The following PPM1L variants were observed in gnomAD, a reference collection of about 807,000 sequenced individuals.
PPM1L encodes the protein protein phosphatase, Mg2+/Mn2+ dependent 1L.
Under a neutral mutation model 31.4 loss-of-function variants are expected in PPM1L, and 13 were observed. That is an observed-to-expected ratio of 0.41 (90% CI 0.27 to 0.66). The LOEUF (loss-of-function observed/expected upper bound fraction) is 0.66. Ranked by LOEUF, PPM1L falls within the 30% of genes least tolerant of loss-of-function variation. PPM1L has a pLI of 0.29. For synonymous variants in PPM1L, 184 were observed against 175.4 expected, an observed-to-expected ratio of 1.05 and a Z score of -0.39; for missense variants, 326 against 453.7, an observed-to-expected ratio of 0.72 and a Z score of 2.56.
intron 1 of PPM1L, among the ~76,000 whole-genome samples, chr3:160,776,118 T>C (rs1215586959): frequency 3.9e-5 from 6 of 152,252 alleles, no homozygotes; most frequent in Non-Finnish European, 8.8e-5. Flanking sequence ...CTACATTAAC[T>C]ATTAAGTTGA....
chr3:160,944,738 A>G (rs1360547813), intron 1 of PPM1L, among the ~76,000 whole-genome samples: 1 of 101,602 alleles, frequency 9.8e-6, no homozygotes, highest in African/African-American at 3.0e-5. Context: ...AACATGTTAT[A>G]TATTATATAA....
intron 1 of PPM1L, among the ~76,000 whole-genome samples, chr3:160,869,898 G>T (rs1302387655): frequency 6.6e-6 from 1 of 152,180 alleles, no homozygotes; most frequent in Non-Finnish European, 1.5e-5. Context: ...TTTGCTTCAG[G>T]CATTGCTATG....
At chr3:160,833,019 G>A (rs1481086241) in intron 1 of PPM1L, among the ~76,000 whole-genome samples, 1 of 152,158 alleles carries the variant, frequency 6.6e-6, no homozygotes, top group Non-Finnish European at 1.5e-5. Context: ...AACATGCGGT[G>A]TTTGGTTTTC....
At chr3:160,944,802 CAT>C (rs1358524949) in intron 1 of PPM1L, among the ~76,000 whole-genome samples, 2 of 14,320 alleles carry the variant, frequency 1.4e-4, no homozygotes, top group East Asian at 6.4e-4. Context: ...TTATATATAA[CAT>C]ATATAACATA....
chr3:161,010,459 T>C (rs558250721), intron 2 of PPM1L, among the ~76,000 whole-genome samples: 1 of 152,350 alleles, frequency 6.6e-6, no homozygotes. Flanking sequence ...GTCTTTGCTA[T>C]TGTGAATAGT....
intron 1 of PPM1L, among the ~76,000 whole-genome samples, chr3:160,906,996 G>A (rs913084315): frequency 1.3e-5 from 2 of 152,182 alleles, no homozygotes; most frequent in African/African-American, 4.8e-5. Context: ...CTTTATCCAT[G>A]CTTTATTTGT....
intron 2 of PPM1L, among the ~76,000 whole-genome samples, chr3:161,046,129 A>AAAAAAAAAAAC (rs1719057817): frequency 6.6e-6 from 1 of 150,582 alleles, no homozygotes; most frequent in Non-Finnish European, 1.5e-5. Context: ...AAAAAAAAAA[A>AAAAAAAAAAAC]AAAAATCAAT....
At chr3:160,766,987 G>A (rs150706240) in intron 1 of PPM1L, among the ~76,000 whole-genome samples, 40 of 149,458 alleles carry the variant, frequency 2.7e-4, no homozygotes, top group Admixed American at 2.0e-3. Flanking sequence ...GATGTACACC[G>A]TACAGTGTTA....
At chr3:160,778,060 T>G (rs1711611875) in intron 1 of PPM1L, among the ~76,000 whole-genome samples, 1 of 152,232 alleles carries the variant, frequency 6.6e-6, no homozygotes, top group Non-Finnish European at 1.5e-5. Context: ...GTAGCCATTT[T>G]TAATGGCTGT....
chr3:161,070,437 G>A lies in PPM1L; in HGVS notation c.*1280G>A, dbSNP rs1444520995. 9 of 152,220 alleles carry A rather than the reference G, an allele frequency of 5.9e-5. No individual in the cohort carries two copies. Among genetic ancestry groups the A allele is most frequent in the Admixed American group, 4.6e-4 (7 of 15,290 alleles). 9.4% of individuals were successfully genotyped at this position (152,220 alleles called of 1,614,324 possible). A position where few individuals can be genotyped will look rare whatever the true frequency, so the allele number is the denominator to read the frequency against. On this transcript the variant is annotated 3_prime_UTR_variant, in exon 4 of 4. Coordinates refer to ENST00000498165, the MANE Select transcript of PPM1L (RefSeq NM_139245.4). ...GCAGGCCTGCAGGGGAGGCAGCAAA[G>A]GGACCTGGCAGTTGCAACACAGTAA...
intron 1 of PPM1L, among the ~76,000 whole-genome samples, chr3:160,932,452 A>C (rs1714820880): frequency 6.6e-6 from 1 of 152,158 alleles, no homozygotes; most frequent in Admixed American, 6.5e-5. Context: ...TGTATGCCTC[A>C]GTTGCCTTAG....
chr3:160,791,797 T>C lies in PPM1L; in HGVS notation c.399+35090T>C, dbSNP rs144407437. 2.6e-5 allele frequency among the ~76,000 whole-genome samples: 4 copies of C among 152,324 alleles called. No homozygotes were observed. In the East Asian group the frequency reaches 7.7e-4, roughly 29 times the overall value. ...CCTCTTGGATAAAATCACATTTCACTGAGCTCTGAATAACAAGAAGGAGCC... is the reference window on the plus strand; with the variant it reads ...CCTCTTGGATAAAATCACATTTCACCGAGCTCTGAATAACAAGAAGGAGCC... On this transcript the variant is annotated intron_variant, in intron 1 of 3. Coordinates refer to ENST00000498165, the MANE Select transcript of PPM1L (RefSeq NM_139245.4).
intron 2 of PPM1L, among the ~76,000 whole-genome samples, chr3:161,015,206 A>G (rs938555588): frequency 2.0e-5 from 3 of 152,152 alleles, no homozygotes; most frequent in Middle Eastern, 3.2e-3. Flanking sequence ...ATCATGCGCT[A>G]TCCTTCCTTC....
intron 1 of PPM1L, among the ~76,000 whole-genome samples, chr3:160,949,904 T>C (rs1715526388): frequency 6.6e-6 from 1 of 152,236 alleles, no homozygotes; most frequent in Admixed American, 6.5e-5. Context: ...TTTAAAACTA[T>C]ATGTATGCAG....
intron 1 of PPM1L, among the ~76,000 whole-genome samples, chr3:160,819,652 G>A (rs1214739383): frequency 1.3e-5 from 2 of 151,754 alleles, no homozygotes; most frequent in Non-Finnish European, 2.9e-5. Context: ...ATTCCAGAGG[G>A]GACAATTAGT....
intron 2 of PPM1L, among the ~76,000 whole-genome samples, chr3:161,060,477 G>A (rs1719536098): frequency 6.6e-6 from 1 of 152,182 alleles, no homozygotes; most frequent in Non-Finnish European, 1.5e-5. Context: ...CAGTGGTTGG[G>A]ACTGGAGTCA....
At position 161,031,502 on chromosome 3, in the gene PPM1L, C is replaced by CTTTTTTTTTTTTTTTTTTTTTTTTTTT. The variant is rs760907219; in HGVS notation, c.575-33885_575-33884insTTTTTTTTTTTTTTTTTTTTTTTTTTT. 3.0e-5 allele frequency among the ~76,000 whole-genome samples: 3 copies of CTTTTTTTTTTTTTTTTTTTTTTTTTTT among 101,668 alleles called. 1 individual carries two copies. The highest frequency in any genetic ancestry group is 8.8e-5 in the African/African-American group (2 of 22,846). 66.7% of individuals were successfully genotyped at this position (101,668 alleles called of 152,430 possible). On this transcript the variant is annotated intron_variant, in intron 2 of 3. Transcript: ENST00000498165. ...GTGAATGGCAGCTATGTATTCTGTCCTTTTTTTTTTTTTTTTGAGAGAGAG... is the reference window on the plus strand; with the variant it reads ...GTGAATGGCAGCTATGTATTCTGTCCTTTTTTTTTTTTTTTTTTTTTTTTTTTTTTTTTTTTTTTTTTTGAGAGAGAG...
chr3:160,983,911 C>T (rs1254395072), intron 2 of PPM1L, among the ~76,000 whole-genome samples: 6 of 152,144 alleles, frequency 3.9e-5, no homozygotes, highest in East Asian at 1.9e-4. Flanking sequence ...AGGGAGTGTA[C>T]GAATAGGGTG....
chr3:160,987,287 G>C (rs1041313574), intron 2 of PPM1L, among the ~76,000 whole-genome samples: 3 of 152,112 alleles, frequency 2.0e-5, no homozygotes, highest in Admixed American at 2.0e-4. Flanking sequence ...GCCATTTGTG[G>C]ACCACTGAGC....
Sources: allele counts gnomAD v4.1 joint callset (sites outside exome capture counted in the v4.1 genomes callset), GRCh38; gene constraint gnomAD v4.1.1; transcripts MANE v1.5; gene names NCBI Gene and HGNC (gene_info 2026-07-23, HGNC 2026-07-21).